PTPRM: variants seen among roughly 807,000 people sequenced by gnomAD.
PTPRM encodes protein tyrosine phosphatase receptor type M.
In PTPRM, 47 loss-of-function variants were observed where a neutral mutation model predicts 186.7. The observed-to-expected ratio is 0.25, with a 90% CI of 0.20 to 0.32. PTPRM has a LOEUF of 0.32. Among genes scored for constraint, PTPRM ranks in the 10% least tolerant of loss-of-function variants. The pLI, the probability that PTPRM is intolerant of heterozygous loss-of-function variation, is 1.00. For synonymous variants in PTPRM, 668 were observed against 674.9 expected, an observed-to-expected ratio of 0.99 and a Z score of 0.16; for missense variants, 1,494 against 1,865.0, an observed-to-expected ratio of 0.80 and a Z score of 3.66.
intron 2 of PTPRM, among the ~76,000 whole-genome samples, chr18:7,820,543 G>T (rs1252609205): frequency 6.6e-6 from 1 of 152,200 alleles, no homozygotes; most frequent in Admixed American, 6.5e-5. Flanking sequence ...GATTTTGACT[G>T]TAGAGGTAAT....
intron 7 of PTPRM, among the ~76,000 whole-genome samples, chr18:7,963,261 C>T (rs772066479): frequency 1.3e-5 from 2 of 152,108 alleles, no homozygotes; most frequent in African/African-American, 4.8e-5. Context: ...GTGTTTAGGC[C>T]CCAGAGATTC....
rs2048933110 is a variant in PTPRM, at chr18:7,889,173, T to C, written c.468+796T>C. On this transcript the variant is annotated intron_variant, in intron 3 of 32. Coordinates refer to ENST00000580170, the MANE Select transcript of PTPRM (RefSeq NM_001105244.2). The stretch of plus-strand genomic sequence containing the variant: ...AACAGTGCAAGAAAAACCTATGCTA[T>C]TTGATAAGGAGTGTCTTAAGGCTTT... 2.0e-5 allele frequency among the ~76,000 whole-genome samples: 3 copies of C among 152,190 alleles called. No individual in the cohort carries two copies. The East Asian group carries it at 5.8e-4, about 29-fold the overall frequency.
intron 19 of PTPRM, among the ~76,000 whole-genome samples, chr18:8,254,972 A>G (rs2094561297): frequency 6.6e-6 from 1 of 152,254 alleles, no homozygotes. Context: ...ATTGAAGTCC[A>G]GAAAATATTT....
At chr18:7,864,971 A>G (rs1454468310) in intron 2 of PTPRM, among the ~76,000 whole-genome samples, 1 of 152,070 alleles carries the variant, frequency 6.6e-6, no homozygotes, top group Non-Finnish European at 1.5e-5. Context: ...TGTGAATGGG[A>G]GTTCACTCAT....
In PTPRM at chr18:7,941,302, C is replaced by T. The variant is rs144939836; in HGVS notation, c.664-7879C>T. On this transcript the variant is annotated intron_variant, in intron 5 of 32. Transcript: ENST00000580170. ...GAGGCTCCAAATGGAATGCTGTGTG[C>T]TGGGACAGGGACAAGAGGGACCATC... 2.6e-3 allele frequency among the ~76,000 whole-genome samples: 394 copies of T among 152,288 alleles called. 5 individuals carry two copies. Among genetic ancestry groups the T allele is most frequent in the African/African-American group, 8.6e-3 (357 of 41,550 alleles).
chr18:8,381,468 T>A (rs1479978540), intron 29 of PTPRM, among the ~76,000 whole-genome samples: 1 of 152,098 alleles, frequency 6.6e-6, no homozygotes, highest in African/African-American at 2.4e-5. Flanking sequence ...CAGCCATAAA[T>A]GGCATGGACA....
chr18:8,152,280 A>G (rs1383226577), intron 14 of PTPRM, among the ~76,000 whole-genome samples: 3 of 152,218 alleles, frequency 2.0e-5, no homozygotes, highest in Non-Finnish European at 2.9e-5. Flanking sequence ...GAGGCTCCTC[A>G]GAGTTTTTGT....
chr18:7,709,000 T>A (rs2144765677), intron 1 of PTPRM, among the ~76,000 whole-genome samples: 1 of 152,236 alleles, frequency 6.6e-6, no homozygotes, highest in African/African-American at 2.4e-5. Context: ...TTATAGATGC[T>A]GAAAAGTTCA....
At chr18:7,923,224 T>C (rs555190812) in intron 4 of PTPRM, among the ~76,000 whole-genome samples, 13 of 152,324 alleles carry the variant, frequency 8.5e-5, no homozygotes, top group South Asian at 8.3e-4. Context: ...AGACACCTTG[T>C]GTTAGAGACC....
chr18:8,003,072 G>T (rs1462279133), intron 7 of PTPRM, among the ~76,000 whole-genome samples: 2 of 152,164 alleles, frequency 1.3e-5, no homozygotes, highest in African/African-American at 4.8e-5. Flanking sequence ...TGCCATGGCT[G>T]AGAAAAAGTG....
At chr18:7,616,494 G>C (rs2037808982) in intron 1 of PTPRM, among the ~76,000 whole-genome samples, 1 of 152,128 alleles carries the variant, frequency 6.6e-6, no homozygotes, top group Non-Finnish European at 1.5e-5. Context: ...CTGACCAGGG[G>C]AGCAGCCCAA....
chr18:8,370,788 TGTGTGCAAATTTTGTCCTATAAATCATA>T lies in PTPRM; in HGVS notation c.3055-96_3055-69del, dbSNP rs2095658686. 4 of 630,154 alleles carry T rather than the reference TGTGTGCAAATTTTGTCCTATAAATCATA, an allele frequency of 6.3e-6. No individual in the cohort carries two copies. The Admixed American group carries it at 1.1e-4, about 18-fold the overall frequency. 39.0% of individuals were successfully genotyped at this position (630,154 alleles called of 1,614,324 possible). On this transcript the variant is annotated intron_variant, in intron 23 of 32. Transcript: ENST00000580170. ...TCCTCTTGAGTATACAATTAACTTT[TGTGTGCAAATTTTGTCCTATAAATCATA>T]GTGTGACCCATCATGGGAGGAACTC...
At chr18:8,264,598 G>C (rs1377159842) in intron 19 of PTPRM, among the ~76,000 whole-genome samples, 1 of 151,976 alleles carries the variant, frequency 6.6e-6, no homozygotes. Context: ...GCGAAACGCT[G>C]TCTCTACTAA....
intron 20 of PTPRM, among the ~76,000 whole-genome samples, chr18:8,309,629 A>C (rs2095252982): frequency 6.6e-6 from 1 of 152,108 alleles, no homozygotes; most frequent in African/African-American, 2.4e-5. Context: ...CTCCTGCCTC[A>C]GCCTCCCTAG....
chr18:8,311,116 C>G (rs971782786), intron 20 of PTPRM, among the ~76,000 whole-genome samples: 3 of 152,098 alleles, frequency 2.0e-5, no homozygotes, highest in African/African-American at 7.2e-5. Flanking sequence ...CCAGAACAGC[C>G]TGGTCAACAT....
chr18:8,025,505 CCTT>C (rs2085514479), intron 7 of PTPRM, among the ~76,000 whole-genome samples: 1 of 152,140 alleles, frequency 6.6e-6, no homozygotes, highest in African/African-American at 2.4e-5. Context: ...TGTCTTTAAA[CCTT>C]CTGGTAAAAG....
intron 17 of PTPRM, among the ~76,000 whole-genome samples, chr18:8,249,318 T>G (rs1186561415): frequency 6.6e-6 from 1 of 152,180 alleles, no homozygotes; most frequent in Non-Finnish European, 1.5e-5. Flanking sequence ...AAAAAATGAA[T>G]TAAGATAGAA....
intron 1 of PTPRM, among the ~76,000 whole-genome samples, chr18:7,616,374 G>T (rs2037804480): frequency 6.6e-6 from 1 of 152,040 alleles, no homozygotes; most frequent in Admixed American, 6.6e-5. Context: ...TGCCCTTGGG[G>T]TCTTGAACTT....
At chr18:8,070,122 C>A in intron 8 of PTPRM, 128 bp downstream of exon 8, 1 of 806,422 alleles carries the variant, frequency 1.2e-6, no homozygotes, top group Non-Finnish European at 1.9e-6. Flanking sequence ...AAATGTGTAT[C>A]TGTACTCTGT....
Sources: gnomAD v4.1 joint callset for allele counts (sites outside exome capture counted in the v4.1 genomes callset) on GRCh38, gnomAD v4.1.1 for gene constraint, MANE v1.5 for transcripts, NCBI Gene and HGNC (gene_info 2026-07-23, HGNC 2026-07-21) for gene names.